PLXND1: variants seen among roughly 807,000 people sequenced by gnomAD.
The protein encoded by PLXND1 is plexin-D1.
PLXND1 carries 54 observed loss-of-function variants against 197.7 expected under a neutral mutation model. The ratio of observed to expected loss-of-function variants is 0.27; its 90% confidence interval spans 0.22 to 0.34. The LOEUF is 0.34. Ranked by LOEUF, PLXND1 falls within the 10% of genes least tolerant of loss-of-function variation. The pLI is 1.00. For synonymous variants in PLXND1, 1,180 were observed against 1,161.2 expected (o/e 1.02, Z -0.33); for missense variants, 2,127 against 2,699.2 (o/e 0.79, Z 4.70).
Position 129,605,616 on chromosome 3 carries a change from C to T in PLXND1, c.1024G>A (p.Gly342Ser). The T allele has an allele frequency of 6.5e-7, 1 of 1,537,012 alleles. No homozygotes were observed. Among genetic ancestry groups the T allele is most frequent in the Non-Finnish European group, 8.7e-7 (1 of 1,145,366 alleles). The change falls in exon 1 of 36, where the codon GGC becomes AGC. Residue 342 changes from glycine to serine, a missense_variant. Physicochemically the swap from Gly to Ser is moderately conservative, Grantham distance 56. Transcript: ENST00000324093. ...KKLTESYIQLGLQCAGGAGRG... is the reference protein window; with the variant it reads ...KKLTESYIQLSLQCAGGAGRG... ...CCCGCGCCGCCCGCGCACTGCAAGC[C>T]CAACTGGATGTAGGACTCGGTGAGC...
Position 129,586,235 on chromosome 3 carries a change from G to T in PLXND1, c.1658C>A (p.Ser553Tyr). 6.3e-7 allele frequency: 1 copy of T among 1,597,954 alleles called. No homozygotes were observed. The change falls in exon 4 of 36, where the codon TCC (serine) becomes TAC (tyrosine). Residue 553 changes from serine (S) to tyrosine (Y), a missense_variant. Ser to Tyr is a moderately radical substitution (Grantham distance 144, BLOSUM62 -2). Around this residue, in one of 6 missense-constraint regions of PLXND1, gnomAD observed 1,095 missense variants for 1,259.8 expected, o/e 0.87. Coordinates refer to ENST00000324093, the MANE Select transcript of PLXND1 (RefSeq NM_015103.3). ...RVKVAACNVHSTCGDCVGAAD... is the reference protein window; with the variant it reads ...RVKVAACNVHYTCGDCVGAAD... ...CGCACCCACGCAGTCCCCACAGGTG[G>T]AGTGCACGTTGCAGGCGGCGACCTT... is the stretch of plus-strand genomic sequence containing the variant.
chr3:129,593,858 G>T (rs148277307), intron 1 of PLXND1, among the ~76,000 whole-genome samples: 5 of 152,130 alleles, frequency 3.3e-5, no homozygotes, highest in Non-Finnish European at 7.4e-5. Context: ...CGCTGGTTTC[G>T]GCCCCGTTTT....
intron 1 of PLXND1, among the ~76,000 whole-genome samples, chr3:129,598,472 C>T (rs190774901): frequency 1.3e-5 from 2 of 152,046 alleles, no homozygotes; most frequent in Non-Finnish European, 1.5e-5. Flanking sequence ...GACGGGCATG[C>T]GATGTTACCA....
chr3:129,566,143 G>C lies in PLXND1; in HGVS notation c.4192-126C>G, dbSNP rs1165352996. Reference sequence around the variant, plus strand: ...GGGGAGCTCATTACCTTCCACGGTGGATGCCTCCTAACCTTTGTGACAGGG... The same window carrying C: ...GGGGAGCTCATTACCTTCCACGGTGCATGCCTCCTAACCTTTGTGACAGGG... On this transcript the variant is annotated intron_variant, in intron 23 of 35. Transcript: ENST00000324093. 20 of 923,880 alleles carry C rather than the reference G, an allele frequency of 2.2e-5. No individual in the cohort carries two copies. The East Asian group carries it at 3.8e-4, about 18-fold the overall frequency. The allele number at this position is 923,880 out of a possible 1,614,324, so 57.2% of individuals were successfully genotyped here. A position where few individuals can be genotyped will look rare whatever the true frequency, so the allele number is the denominator to read the frequency against.
chr3:129,558,510 G>A lies in PLXND1; in HGVS notation c.5363C>T (p.Thr1788Ile), dbSNP rs1170917023. Residue 1788 changes from threonine to isoleucine, a missense_variant, in exon 33 of 36, where the codon ACA (threonine) becomes ATA (isoleucine). By Grantham distance (89) the Thr-to-Ile change is moderately conservative (BLOSUM62 -1). Around this residue, in one of 6 missense-constraint regions of PLXND1, gnomAD observed 200 missense variants for 303.3 expected, o/e 0.66. Transcript: ENST00000324093. The surrounding 1 kb of genome is among the most constrained non-coding windows in gnomAD (Gnocchi z 4.1). ...NPQFVFDIDK[T>I]DHIDACLSVI... ...TGAAAGGCAGGCGTCGATGTGGTCT[G>A]TCTTGTCGATGTCAAAGACAAACTG... 2.5e-6 allele frequency: 4 copies of A among 1,614,046 alleles called. No homozygotes were observed. The South Asian group carries it at 4.4e-5, about 18-fold the overall frequency.
At chr3:129,586,564 G>A (rs768053877) in intron 3 of PLXND1, 24 bp downstream of exon 3, 29 of 1,559,864 alleles carry the variant, frequency 1.9e-5, no homozygotes, top group Middle Eastern at 1.7e-4. Flanking sequence ...CTGGGATGGC[G>A]TTGGGCTGGG....
intron 8 of PLXND1, among the ~76,000 whole-genome samples, chr3:129,583,156 A>G (rs1014868429): frequency 7.9e-5 from 12 of 152,350 alleles, no homozygotes; most frequent in African/African-American, 2.6e-4. Flanking sequence ...AATCACCTCC[A>G]CAGGCCTTGA....
rs370496179 is a variant in PLXND1 at position 129,571,644 on chromosome 3, G to A, written c.3245+33C>T. ...CTATCAGTGCACCTGCAGCCCCAGA[G>A]AGCCTGGGGGAAGGGCGGGGTGCCA... On this transcript the variant is annotated intron_variant, in intron 16 of 35. Coordinates refer to ENST00000324093, the MANE Select transcript of PLXND1 (RefSeq NM_015103.3). 38 of 1,613,412 alleles carry A rather than the reference G, an allele frequency of 2.4e-5. No individual in the cohort carries two copies. The African/African-American group carries it at 3.6e-4, about 15-fold the overall frequency.
At chr3:129,575,647 TTGGGGCTGC>T in intron 10 of PLXND1, 85 bp from the exon 11 acceptor site, 1 of 1,253,762 alleles carries the variant, frequency 8.0e-7, no homozygotes. Flanking sequence ...GCAGATGAAG[TTGGGGCTGC>T]TGGGGATGGG....
chr3:129,592,612 T>C (rs999384640), intron 1 of PLXND1, among the ~76,000 whole-genome samples: 2 of 148,940 alleles, frequency 1.3e-5, no homozygotes, highest in Non-Finnish European at 3.0e-5. Context: ...GGGAGCCCGC[T>C]CCCCCCTCCC....
rs757001373 is a variant in PLXND1 at position 129,606,316 on chromosome 3, C to T, written c.324G>A (p.Gln108=). Residue 108 remains glutamine, a synonymous_variant, in exon 1 of 36, where the codon CAG becomes CAA. Coordinates refer to ENST00000324093, the MANE Select transcript of PLXND1 (RefSeq NM_015103.3). ...GGTGCTCGCACGAGGCCTGCGGCAG[C>T]TGCGGAGCGTGACACAGCGGGCTGT... The part of the protein sequence containing the change: ...VPDSPLCHAP[Q]LPQASCEHPR... 2.6e-6 allele frequency: 4 copies of T among 1,512,070 alleles called. No homozygotes were observed. In the East Asian group the frequency reaches 7.7e-5, roughly 29 times the overall value. 93.7% of individuals were successfully genotyped at this position (1,512,070 alleles called of 1,614,324 possible). A position where few individuals can be genotyped will look rare whatever the true frequency, so the allele number is the denominator to read the frequency against.
chr3:129,556,729 G>A (rs377117616), intron 34 of PLXND1, 38 bp from the exon 35 acceptor site: 18 of 1,469,692 alleles, frequency 1.2e-5, no homozygotes, highest in Admixed American at 3.5e-5. Flanking sequence ...TTAGCCCAGC[G>A]GTCAAAGCTG....
At chr3:129,592,657 T>C (rs1221550922) in intron 1 of PLXND1, among the ~76,000 whole-genome samples, 1 of 151,832 alleles carries the variant, frequency 6.6e-6, no homozygotes, top group Non-Finnish European at 1.5e-5. Context: ...CCATTAATTC[T>C]GCACCGAAGG....
chr3:129,583,519 A>AAAGGT, intron 8 of PLXND1, 48 bp downstream of exon 8: 1 of 1,195,904 alleles, frequency 8.4e-7, no homozygotes, highest in Non-Finnish European at 1.2e-6. Flanking sequence ...ATTTTTTAAA[A>AAAGGT]AAGGTAATGA....
intron 5 of PLXND1, 115 bp downstream of exon 5, chr3:129,585,837 T>C: frequency 7.3e-7 from 1 of 1,372,552 alleles, no homozygotes. Context: ...TCATTATTTG[T>C]CTTCAGGTCC....
intron 1 of PLXND1, among the ~76,000 whole-genome samples, chr3:129,592,089 C>T (rs1313571985): frequency 2.6e-5 from 4 of 152,198 alleles, no homozygotes; most frequent in African/African-American, 7.2e-5. Context: ...GCTCCCTCTG[C>T]CCAGGAAGCC....
intron 11 of PLXND1, 115 bp from the exon 12 acceptor site, chr3:129,574,605 C>T (rs2085285997): frequency 9.3e-7 from 1 of 1,077,404 alleles, no homozygotes; most frequent in Non-Finnish European, 1.3e-6. Flanking sequence ...ATTGTGGTGC[C>T]CCACCCAGAG....
In PLXND1 at chr3:129,565,445, G is replaced by A. The variant is rs764932299; in HGVS notation, c.4416C>T (p.Asp1472=). ...IMKELLVDLI[D]ASAAKNPKLM... is the part of the protein sequence containing the mutation. ...GCTTGGGGTTCTTGGCGGCCGAGGC[G>A]TCAATGAGGTCCACCAGCAGCTCCT... The change falls in exon 25 of 36, where the codon GAC becomes GAT. Residue 1472 remains aspartate (D), a synonymous_variant. Transcript: ENST00000324093. 18 of 1,613,908 alleles carry A rather than the reference G, an allele frequency of 1.1e-5. No individual in the cohort carries two copies. Among genetic ancestry groups the A allele is most frequent in the Admixed American group, 8.3e-5 (5 of 60,006 alleles).
At chr3:129,578,628 A>C (rs1433810755) in intron 8 of PLXND1, 195 bp from the exon 9 acceptor site, 2 of 575,600 alleles carry the variant, frequency 3.5e-6, no homozygotes, top group East Asian at 6.0e-5. Context: ...GGCAGGTCGC[A>C]TTGGCCCTGT....
Sources: allele counts gnomAD v4.1 joint callset (sites outside exome capture counted in the v4.1 genomes callset), GRCh38; gene constraint gnomAD v4.1.1; regional missense constraint gnomAD v4.1.1; non-coding constraint Gnocchi (gnomAD v3.1); transcripts MANE v1.5; gene names NCBI Gene and HGNC (gene_info 2026-07-23, HGNC 2026-07-21).